Variants in FGD3 observed in about 807,000 individuals in gnomAD.
FGD3 encodes FYVE, RhoGEF and PH domain-containing protein 3.
FGD3 carries 45 observed loss-of-function variants against 71.8 expected under a neutral mutation model. The observed-to-expected ratio is 0.63, with a 90% CI of 0.49 to 0.80. The LOEUF is 0.80. Ranked by LOEUF, FGD3 falls within the 30% of genes least tolerant of loss-of-function variation. The pLI is 0.00. For missense variants in FGD3, 844 were observed against 951.5 expected (o/e 0.89, Z 1.49); for synonymous variants, 378 against 392.8 (o/e 0.96, Z 0.44).
Position 93,003,104 on chromosome 9 carries a change from T to A in FGD3, c.543+90T>A. On this transcript the variant is annotated intron_variant, in intron 4 of 17. Coordinates refer to ENST00000375482, the MANE Select transcript of FGD3 (RefSeq NM_001083536.2). The surrounding 1 kb of genome is among the most constrained non-coding windows in gnomAD (Gnocchi z 4.1). ...GTGTGAATGACTTAAATACTAAAAC[T>A]CAGACAAATTTAAGTCTGGTCTACA... 1.6e-6 allele frequency: 2 copies of A among 1,221,172 alleles called. No individual in the cohort carries two copies. The highest frequency in any genetic ancestry group is 2.3e-6 in the Non-Finnish European group (2 of 851,926). The allele number at this position is 1,221,172 out of a possible 1,614,324, so 75.6% of individuals were successfully genotyped here.
At chr9:92,977,461 T>C (rs911222257) in intron 3 of FGD3, among the ~76,000 whole-genome samples, 1 of 152,064 alleles carries the variant, frequency 6.6e-6, no homozygotes, top group African/African-American at 2.4e-5. Context: ...TCAGGCTTGC[T>C]GGCTCCTAGG....
At chr9:92,950,924 G>A (rs944085023) in intron 1 of FGD3, among the ~76,000 whole-genome samples, 1 of 152,168 alleles carries the variant, frequency 6.6e-6, no homozygotes, top group African/African-American at 2.4e-5. Flanking sequence ...CCTGCGTCCA[G>A]CACTGGAGAT....
chr9:92,958,618 A>G (rs1859109135), intron 1 of FGD3, among the ~76,000 whole-genome samples: 1 of 152,190 alleles, frequency 6.6e-6, no homozygotes, highest in Admixed American at 6.5e-5. Flanking sequence ...AGTGCCTTTT[A>G]TACTCTAAGA....
intron 14 of FGD3, 81 bp downstream of exon 14, chr9:93,022,470 G>C: frequency 4.0e-6 from 6 of 1,484,404 alleles, no homozygotes; most frequent in Middle Eastern, 1.8e-4. Flanking sequence ...AGGGAAGATG[G>C]AGAGGGAGGG....
intron 1 of FGD3, among the ~76,000 whole-genome samples, chr9:92,961,692 G>C (rs1312110855): frequency 6.6e-6 from 1 of 152,218 alleles, no homozygotes; most frequent in East Asian, 1.9e-4. Flanking sequence ...GCTACAGATG[G>C]TGGCTGGGGC....
chr9:92,980,342 G>A (rs1465347622), intron 3 of FGD3, among the ~76,000 whole-genome samples: 1 of 152,028 alleles, frequency 6.6e-6, no homozygotes, highest in Admixed American at 6.6e-5. Flanking sequence ...AGTTAACCTA[G>A]CTAAATGTTT....
intron 14 of FGD3, among the ~76,000 whole-genome samples, chr9:93,023,393 T>C (rs1861999590): frequency 6.6e-6 from 1 of 151,920 alleles, no homozygotes; most frequent in Non-Finnish European, 1.5e-5. Flanking sequence ...CACGACGGAG[T>C]GTGGAGGCGT....
In FGD3 at chr9:93,006,134, G is replaced by A. The variant is rs1341201382; in HGVS notation, c.791G>A (p.Trp264Ter). 1 of 1,612,154 alleles carries A rather than the reference G, an allele frequency of 6.2e-7. No individual in the cohort carries two copies. The highest frequency in any genetic ancestry group is 8.5e-7 in the Non-Finnish European group (1 of 1,179,144). Residue 264 changes from tryptophan to a stop codon, truncating the protein, a stop_gained, in exon 6 of 18, where the codon TGG (tryptophan) becomes TAG (stop). Coordinates refer to ENST00000375482, the MANE Select transcript of FGD3 (RefSeq NM_001083536.2). LOFTEE classifies it high-confidence loss of function. The stretch of plus-strand genomic sequence containing the variant: ...CGAGCCGTAGGGCTGGTGAGCACGT[G>A]GACCCAGCGCTCCCCACTGTTTAAA... ...FDRAVGLVST[W>*]TQRSPLFKDV...
intron 3 of FGD3, among the ~76,000 whole-genome samples, chr9:92,997,018 T>C (rs774486062): frequency 1.3e-5 from 2 of 152,184 alleles, no homozygotes; most frequent in Non-Finnish European, 2.9e-5. Flanking sequence ...CTGAGTTCAA[T>C]TCCTGGATAT....
intron 10 of FGD3, among the ~76,000 whole-genome samples, chr9:93,016,677 G>A (rs1861708943): frequency 1.3e-5 from 2 of 148,892 alleles, no homozygotes; most frequent in East Asian, 2.0e-4. Context: ...AACCTGGAGT[G>A]CAATGGTGTG....
At chr9:92,948,321 G>T (rs1200033613) in intron 1 of FGD3, among the ~76,000 whole-genome samples, 1 of 152,228 alleles carries the variant, frequency 6.6e-6, no homozygotes, top group Non-Finnish European at 1.5e-5. Flanking sequence ...GGCGAAAGCG[G>T]GTGCTTTGGA....
Position 92,969,989 on chromosome 9 carries a change from G to A in FGD3, c.-217-5249G>A, listed in dbSNP as rs1330475384. Among the ~76,000 whole-genome samples the A allele has an allele frequency of 2.0e-5, 3 of 152,190 alleles. No homozygotes were observed. Among genetic ancestry groups the A allele is most frequent in the Non-Finnish European group, 2.9e-5 (2 of 68,032 alleles). Reference sequence around the variant, plus strand: ...CCCTGGCTGAGTCCACAGTGGGCACGGCTCATCTGGGTCAGCAGCTCCAGC... The same window carrying A: ...CCCTGGCTGAGTCCACAGTGGGCACAGCTCATCTGGGTCAGCAGCTCCAGC... On this transcript the variant is annotated intron_variant, in intron 1 of 17. Transcript: ENST00000375482. The surrounding 1 kb of genome is among the most constrained non-coding windows in gnomAD (Gnocchi z 4.5).
intron 3 of FGD3, among the ~76,000 whole-genome samples, chr9:93,000,676 A>T (rs1214133535): frequency 6.6e-6 from 1 of 152,142 alleles, no homozygotes; most frequent in Non-Finnish European, 1.5e-5. Flanking sequence ...GACCCCTTAC[A>T]TGAGACAAAT....
chr9:92,951,379 T>C (rs1858951169), intron 1 of FGD3, among the ~76,000 whole-genome samples: 1 of 152,178 alleles, frequency 6.6e-6, no homozygotes, highest in African/African-American at 2.4e-5. Context: ...TGTAACTTCC[T>C]AAAATAAAGT....
rs559540743 is a variant in FGD3 at position 93,035,754 on chromosome 9, G to A, written c.*165G>A. On this transcript the variant is annotated 3_prime_UTR_variant, in exon 18 of 18. Transcript: ENST00000375482. ...GGGAAGGAAACTGAGGCCCAGAGAG[G>A]GGCAACCACTGGCCAAGGGTCACCC... 2.8e-6 allele frequency: 3 copies of A among 1,090,016 alleles called. No homozygotes were observed. In the East Asian group the frequency reaches 8.3e-5, roughly 30 times the overall value. 67.5% of individuals were successfully genotyped at this position (1,090,016 alleles called of 1,614,324 possible).
At position 92,995,926 on chromosome 9, in the gene FGD3, C is replaced by T. The variant is rs571533367; in HGVS notation, c.454-6999C>T. 2.0e-4 allele frequency among the ~76,000 whole-genome samples: 31 copies of T among 152,036 alleles called. No homozygotes were observed. In the South Asian group the frequency reaches 6.4e-3, roughly 32 times the overall value. On this transcript the variant is annotated intron_variant, in intron 3 of 17. Transcript: ENST00000375482. ...ATCGATGTTCATCAGGGATATTGGTCTAAAATTCTCTTTTTTTTTGTTGTG... is the reference window on the plus strand; with the variant it reads ...ATCGATGTTCATCAGGGATATTGGTTTAAAATTCTCTTTTTTTTTGTTGTG...
At chr9:92,958,990 C>T (rs924672999) in intron 1 of FGD3, among the ~76,000 whole-genome samples, 5 of 152,148 alleles carry the variant, frequency 3.3e-5, no homozygotes, top group South Asian at 2.1e-4. Context: ...AATGGAGTCT[C>T]GCTCTGTCGC....
chr9:92,981,247 A>C (rs1859982370), intron 3 of FGD3, among the ~76,000 whole-genome samples: 1 of 151,768 alleles, frequency 6.6e-6, no homozygotes, highest in African/African-American at 2.4e-5. Flanking sequence ...GGGCACCTGT[A>C]GTCCCAGCTA....
At chr9:93,017,041 G>A (rs982904688) in intron 10 of FGD3, among the ~76,000 whole-genome samples, 4 of 152,232 alleles carry the variant, frequency 2.6e-5, no homozygotes, top group African/African-American at 4.8e-5. Context: ...GGCTGAGGTA[G>A]GAGGATCACT....
Sources: gnomAD v4.1 joint callset for allele counts (sites outside exome capture counted in the v4.1 genomes callset) on GRCh38, gnomAD v4.1.1 for gene constraint, Gnocchi (gnomAD v3.1) non-coding constraint, MANE v1.5 for transcripts, NCBI Gene and HGNC (gene_info 2026-07-23, HGNC 2026-07-21) for gene names.